Variants in RABGAP1 observed in about 807,000 individuals in gnomAD.
The protein encoded by RABGAP1 is rab GTPase-activating protein 1.
RABGAP1 carries 23 observed loss-of-function variants against 137.6 expected under a neutral mutation model. That is an observed-to-expected ratio of 0.17 (90% CI 0.12 to 0.24). RABGAP1 has a LOEUF of 0.24. Ranked by LOEUF, RABGAP1 falls within the 10% of genes least tolerant of loss-of-function variation. The pLI is 1.00. For synonymous variants in RABGAP1, 451 were observed against 450.7 expected, an observed-to-expected ratio of 1.00 and a Z score of -0.01; for missense variants, 906 against 1,275.8, an observed-to-expected ratio of 0.71 and a Z score of 4.42.
intron 13 of RABGAP1, among the ~76,000 whole-genome samples, chr9:123,028,232 C>T (rs1297825781): frequency 6.6e-6 from 1 of 152,176 alleles, no homozygotes; most frequent in Non-Finnish European, 1.5e-5. Context: ...TTTCATTGGA[C>T]ATTCATTGTT....
At chr9:123,015,208 T>C (rs2031126550) in intron 11 of RABGAP1, among the ~76,000 whole-genome samples, 1 of 152,130 alleles carries the variant, frequency 6.6e-6, no homozygotes, top group Admixed American at 6.5e-5. Flanking sequence ...GACATATATT[T>C]TCATGCATAA....
Position 123,070,766 on chromosome 9 carries a change from G to C in RABGAP1, c.1983+342G>C, listed in dbSNP as rs2034328885. ...ACTTGTTTTGAGATTTAGGTATTGG[G>C]GTAGGAGGAAGGCGGAAAAGTTGGT... On this transcript the variant is annotated intron_variant, in intron 15 of 25. Coordinates refer to ENST00000373647, the MANE Select transcript of RABGAP1 (RefSeq NM_012197.4). This position sits in a 1 kb window ranked among gnomAD's most constrained non-coding sequence, Gnocchi z 4.4. Among the ~76,000 whole-genome samples the C allele has an allele frequency of 6.6e-6, 1 of 152,070 alleles. No individual in the cohort carries two copies. Among genetic ancestry groups the C allele is most frequent in the South Asian group, 2.1e-4 (1 of 4,814 alleles).
At chr9:122,985,123 G>C (rs1836299633) in intron 3 of RABGAP1, among the ~76,000 whole-genome samples, 1 of 152,126 alleles carries the variant, frequency 6.6e-6, no homozygotes, top group South Asian at 2.1e-4. Flanking sequence ...CAGTTGCCAA[G>C]TTGAAAAAGG....
intron 23 of RABGAP1, 43 bp downstream of exon 23, chr9:123,098,841 C>T: frequency 6.7e-7 from 1 of 1,499,440 alleles, no homozygotes; most frequent in East Asian, 2.3e-5. Flanking sequence ...AATCTGGGAG[C>T]CCCTAGTCTG....
chr9:122,960,786 GATAGTTTCACATGA>G (rs1477118419), intron 2 of RABGAP1, among the ~76,000 whole-genome samples: 3 of 152,140 alleles, frequency 2.0e-5, no homozygotes, highest in African/African-American at 7.2e-5. Context: ...AAGGCGTGAT[GATAGTTTCACATGA>G]AACAGAGAAT....
At chr9:123,008,413 C>T (rs191049379) in intron 10 of RABGAP1, among the ~76,000 whole-genome samples, 5,231 of 151,916 alleles carry the variant, frequency 0.034, 125 homozygotes, top group Non-Finnish European at 0.056. Context: ...GGCATAGTGG[C>T]GGGCTCCTGT....
intron 15 of RABGAP1, 114 bp from the exon 16 acceptor site, chr9:123,073,438 T>A: frequency 7.4e-7 from 1 of 1,354,648 alleles, no homozygotes; most frequent in South Asian, 1.4e-5. Context: ...AGCACTAAAT[T>A]TTCTGGTAAG....
At chr9:123,085,885 T>C (rs1245467482) in intron 19 of RABGAP1, among the ~76,000 whole-genome samples, 1 of 152,238 alleles carries the variant, frequency 6.6e-6, no homozygotes, top group African/African-American at 2.4e-5. Flanking sequence ...TAAATAAATG[T>C]CCCTGCTGCA....
intron 13 of RABGAP1, among the ~76,000 whole-genome samples, chr9:123,043,325 A>G (rs1324139264): frequency 1.3e-5 from 2 of 152,198 alleles, no homozygotes; most frequent in Admixed American, 6.5e-5. Flanking sequence ...CAGCCAGTCT[A>G]AATAGGAGCA....
intron 24 of RABGAP1, among the ~76,000 whole-genome samples, chr9:123,100,291 G>A (rs1011045969): frequency 2.0e-5 from 3 of 152,026 alleles, no homozygotes; most frequent in Non-Finnish European, 4.4e-5. Flanking sequence ...CAGGAACTTG[G>A]GAAAGTTCTG....
chr9:122,972,718 A>G (rs1835533371), intron 2 of RABGAP1, among the ~76,000 whole-genome samples: 1 of 151,554 alleles, frequency 6.6e-6, no homozygotes, highest in African/African-American at 2.4e-5. Flanking sequence ...AAAGGGTGCT[A>G]TAGAACAGAG....
intron 6 of RABGAP1, among the ~76,000 whole-genome samples, chr9:122,995,714 A>G (rs1356987193): frequency 6.6e-6 from 1 of 152,022 alleles, no homozygotes; most frequent in African/African-American, 2.4e-5. Context: ...GACTGTAGGC[A>G]TGTGCCATCA....
rs935297641 is a variant in RABGAP1 at position 123,103,111 on chromosome 9, G to C, written c.3108G>C (p.Gly1036=). ...TGCAGGACTTGGAACACCATTTAGG[G>C]CTTGCCCTCAATGAGGTGCAGGCAG... ...CKIQDLEHHL[G]LALNEVQAAK... is the part of the protein sequence containing the mutation. Residue 1036 remains glycine (G), a synonymous_variant, in exon 26 of 26, where the codon GGG becomes GGC. Transcript: ENST00000373647. 3.7e-6 allele frequency: 6 copies of C among 1,614,022 alleles called. No individual in the cohort carries two copies. The African/African-American group carries it at 6.7e-5, about 18-fold the overall frequency.
At chr9:122,946,239 A>G (rs1459410503) in intron 1 of RABGAP1, 2 of 152,178 alleles carry the variant, frequency 1.3e-5, no homozygotes, top group Non-Finnish European at 2.9e-5. Flanking sequence ...AAGACAAATT[A>G]TATTTCTGCA....
At position 123,097,803 on chromosome 9, in the gene RABGAP1, T is replaced by C; in HGVS notation, c.2691T>C (p.Asp897=). 6.2e-7 allele frequency: 1 copy of C among 1,614,004 alleles called. No homozygotes were observed. The highest frequency in any genetic ancestry group is 8.5e-7 in the Non-Finnish European group (1 of 1,179,970). The change falls in exon 22 of 26, where the codon GAT becomes GAC. Residue 897 remains aspartate (D), a synonymous_variant. Coordinates refer to ENST00000373647, the MANE Select transcript of RABGAP1 (RefSeq NM_012197.4). ...TGATGACCAAACAGAAGTTGATTGA[T>C]GCAGAAGAAGAGAAAAGACGGCTGG... is the stretch of plus-strand genomic sequence containing the variant. ...ELLMTKQKLI[D]AEEEKRRLEE...
At chr9:123,047,530 T>C (rs1162180580) in intron 13 of RABGAP1, among the ~76,000 whole-genome samples, 1 of 152,166 alleles carries the variant, frequency 6.6e-6, no homozygotes, top group Non-Finnish European at 1.5e-5. Flanking sequence ...AGTTTTTTAG[T>C]TAATAGAAAA....
At chr9:123,074,160 T>G in intron 16 of RABGAP1, 125 bp from the exon 17 acceptor site, 2 of 1,154,658 alleles carry the variant, frequency 1.7e-6, no homozygotes, top group Non-Finnish European at 2.5e-6. Context: ...CTAAGCACTT[T>G]GGAGATTTTT....
At chr9:122,971,853 TAAG>T (rs1835490019) in intron 2 of RABGAP1, 1 of 152,182 alleles carries the variant, frequency 6.6e-6, no homozygotes, top group South Asian at 2.1e-4. Context: ...TGTTCTATAA[TAAG>T]AGAATGGTGA....
At chr9:123,099,054 AG>A (rs751087707) in intron 23 of RABGAP1, among the ~76,000 whole-genome samples, 6 of 152,234 alleles carry the variant, frequency 3.9e-5, no homozygotes, top group Non-Finnish European at 7.3e-5. Flanking sequence ...AGCACATAGT[AG>A]GTACTTAAAA....
Sources: gnomAD v4.1 joint callset for allele counts (sites outside exome capture counted in the v4.1 genomes callset) on GRCh38, gnomAD v4.1.1 for gene constraint, Gnocchi (gnomAD v3.1) non-coding constraint, MANE v1.5 for transcripts, NCBI Gene and HGNC (gene_info 2026-07-23, HGNC 2026-07-21) for gene names.